Variants in SRD5A2 observed in about 807,000 individuals in gnomAD.
SRD5A2 encodes steroid 5 alpha-reductase 2, also known as 3-oxo-5-alpha-steroid 4-dehydrogenase 2.
SRD5A2 carries 30 observed loss-of-function variants against 27.4 expected under a neutral mutation model. The ratio of observed to expected loss-of-function variants is 1.10; its 90% CI spans 0.82 to 1.49. SRD5A2 has a LOEUF of 1.49. Ranked by LOEUF, SRD5A2 falls within the 40% of genes most tolerant of loss-of-function variation. The pLI is 0.00. For missense variants in SRD5A2, 348 were observed against 323.4 expected (o/e 1.08, Z -0.58); for synonymous variants, 141 against 133.6 (o/e 1.06, Z -0.38).
chr2:31,533,274 C>T (rs547674625), intron 2 of SRD5A2, among the ~76,000 whole-genome samples: 17 of 151,976 alleles, frequency 1.1e-4, no homozygotes, highest in African/African-American at 2.9e-4. Flanking sequence ...GGCACTGGAG[C>T]ACAGAAAAGG....
chr2:31,581,674 G>A (rs567525592), upstream of SRD5A2, among the ~76,000 whole-genome samples: 2 of 152,278 alleles, frequency 1.3e-5, no homozygotes, highest in East Asian at 1.9e-4. Context: ...GGGGCCAGAA[G>A]TCGAGATTCT....
the SRD5A2 span, among the ~76,000 whole-genome samples, chr2:31,636,492 T>C: frequency 4.8e-4 from 73 of 152,292 alleles, no homozygotes; most frequent in African/African-American, 1.7e-3. Flanking sequence ...CTAATTGCTC[T>C]GGCAAGGACT....
At chr2:31,597,458 T>A in the SRD5A2 span, among the ~76,000 whole-genome samples, 1 of 151,308 alleles carries the variant, frequency 6.6e-6, no homozygotes, top group Non-Finnish European at 1.5e-5. Flanking sequence ...GATAAATATA[T>A]GGGACTTAAA....
chr2:31,627,146 AT>A, the SRD5A2 span, among the ~76,000 whole-genome samples: 1 of 152,140 alleles, frequency 6.6e-6, no homozygotes, highest in African/African-American at 2.4e-5. Context: ...TTATTTGCAT[AT>A]AAGTATTTAT....
At chr2:31,580,586 G>A in intron 1 of SRD5A2, 34 bp downstream of exon 1, 1 of 1,492,464 alleles carries the variant, frequency 6.7e-7, no homozygotes, top group South Asian at 1.3e-5. Flanking sequence ...AGGGCAGTGC[G>A]CTGCACTGGG....
the SRD5A2 span, among the ~76,000 whole-genome samples, chr2:31,623,241 C>A: frequency 6.6e-6 from 1 of 151,986 alleles, no homozygotes. Context: ...ATAAGAAAAT[C>A]GCTCAAATTT....
the SRD5A2 span, among the ~76,000 whole-genome samples, chr2:31,590,812 A>T: frequency 6.6e-6 from 1 of 152,244 alleles, no homozygotes. Context: ...CAAACCTGAC[A>T]AAAACAGGAA....
chr2:31,532,716 T>G (rs1393367826), intron 2 of SRD5A2, among the ~76,000 whole-genome samples: 1 of 151,784 alleles, frequency 6.6e-6, no homozygotes, highest in African/African-American at 2.4e-5. Context: ...TTATTTGATT[T>G]GATATAAAAC....
chr2:31,562,009 T>G (rs1458853531), intron 1 of SRD5A2, among the ~76,000 whole-genome samples: 1 of 152,058 alleles, frequency 6.6e-6, no homozygotes, highest in Non-Finnish European at 1.5e-5. Context: ...AATATTGACA[T>G]GGGATGGTTT....
At chr2:31,632,207 G>C in the SRD5A2 span, among the ~76,000 whole-genome samples, 1 of 152,080 alleles carries the variant, frequency 6.6e-6, no homozygotes, top group Non-Finnish European at 1.5e-5. Flanking sequence ...GAGATCAGGA[G>C]GAACAGGCAG....
chr2:31,549,087 TA>T (rs1666325327), intron 1 of SRD5A2, among the ~76,000 whole-genome samples: 1 of 107,560 alleles, frequency 9.3e-6, no homozygotes, highest in Non-Finnish European at 2.1e-5. Context: ...AGGGAATTAT[TA>T]TTATTATTAT....
intron 1 of SRD5A2, among the ~76,000 whole-genome samples, chr2:31,539,879 G>A (rs778875965): frequency 2.0e-5 from 3 of 152,104 alleles, no homozygotes; most frequent in Non-Finnish European, 2.9e-5. Context: ...GAGCCTCCAC[G>A]TTCAGGTTTC....
the SRD5A2 span, among the ~76,000 whole-genome samples, chr2:31,595,668 G>C: frequency 6.6e-6 from 1 of 152,016 alleles, no homozygotes; most frequent in Non-Finnish European, 1.5e-5. Context: ...TATTCCAAAA[G>C]GAAGAGAAAG....
At chr2:31,631,188 C>G in the SRD5A2 span, among the ~76,000 whole-genome samples, 1 of 152,134 alleles carries the variant, frequency 6.6e-6, no homozygotes, top group African/African-American at 2.4e-5. Flanking sequence ...ACTCAGGAAC[C>G]TAGCCCAGCT....
At chr2:31,617,347 C>A in the SRD5A2 span, among the ~76,000 whole-genome samples, 1 of 152,054 alleles carries the variant, frequency 6.6e-6, no homozygotes, top group Admixed American at 6.6e-5. Flanking sequence ...TGGGTCCAGC[C>A]ATGGAAGCCA....
the SRD5A2 span, among the ~76,000 whole-genome samples, chr2:31,592,733 T>C: frequency 6.6e-6 from 1 of 152,116 alleles, no homozygotes. Context: ...TCCACTGACA[T>C]AGTCTACTTA....
Position 31,580,895 on chromosome 2 carries a change from C to T in SRD5A2, c.6G>A (p.Gln2=). 1 of 1,596,354 alleles carries T rather than the reference C, an allele frequency of 6.3e-7. No homozygotes were observed. Among genetic ancestry groups the T allele is most frequent in the Non-Finnish European group, 8.6e-7 (1 of 1,169,328 alleles). The change falls in exon 1 of 5, where the codon CAG becomes CAA. Residue 2 remains glutamine (Q), a synonymous_variant. Transcript: ENST00000622030. ...GCACTGGGCTCTGCTGGCACTGAAC[C>T]TGCATCGCGCCGTGTTCCTCGCCGG... M[Q]VQCQQSPVLA...
intron 1 of SRD5A2, among the ~76,000 whole-genome samples, chr2:31,570,407 AC>A (rs1025215863): frequency 3.0e-4 from 45 of 152,212 alleles, no homozygotes; most frequent in African/African-American, 1.1e-3. Flanking sequence ...TGACAAACCC[AC>A]AGCTAACATC....
At chr2:31,534,303 C>A (rs1665979087) in intron 1 of SRD5A2, among the ~76,000 whole-genome samples, 1 of 152,040 alleles carries the variant, frequency 6.6e-6, no homozygotes, top group South Asian at 2.1e-4. Flanking sequence ...GAGTGATAGA[C>A]TCAAAAAAGA....
Sources: allele counts gnomAD v4.1 joint callset (sites outside exome capture counted in the v4.1 genomes callset), GRCh38; gene constraint gnomAD v4.1.1; transcripts MANE v1.5; gene names NCBI Gene and HGNC (gene_info 2026-07-23, HGNC 2026-07-21).